Variants in DSCAM observed in about 807,000 individuals in gnomAD.
The protein encoded by DSCAM is DS cell adhesion molecule.
A neutral mutation model predicts 217.7 loss-of-function variants in DSCAM; 47 were observed. That is an observed-to-expected ratio of 0.22 (90% confidence interval 0.17 to 0.28). The LOEUF (loss-of-function observed/expected upper bound fraction) is 0.28. DSCAM is among the 10% of genes least tolerant of loss of function. The pLI is 1.00. For missense variants in DSCAM, 2,080 were observed against 2,618.3 expected (o/e 0.79, Z 4.49); for synonymous variants, 1,056 against 1,015.3 (o/e 1.04, Z -0.76).
rs960778100 is a variant in DSCAM, at chr21:40,800,773, T to A, written c.43+45846A>T. Among the ~76,000 whole-genome samples the A allele has an allele frequency of 2.0e-5, 3 of 149,460 alleles. No individual in the cohort carries two copies. The Admixed American group carries it at 2.0e-4, about 10-fold the overall frequency. ...CTCTGTTGCCTAGGCTGGAGTACAG[T>A]GGCACAATCTCGGCTCACTGCAACC... is the stretch of plus-strand genomic sequence containing the variant. On this transcript the variant is annotated intron_variant, in intron 1 of 32. Transcript: ENST00000400454.
intron 3 of DSCAM, among the ~76,000 whole-genome samples, chr21:40,392,900 A>G (rs550253946): frequency 6.8e-4 from 104 of 152,350 alleles, no homozygotes; most frequent in Non-Finnish European, 1.3e-3. Context: ...AAAAAATTTT[A>G]ACACATTCAA....
At chr21:40,406,467 A>C (rs1049096631) in intron 3 of DSCAM, among the ~76,000 whole-genome samples, 5 of 152,264 alleles carry the variant, frequency 3.3e-5, no homozygotes, top group African/African-American at 4.8e-5. Context: ...CAGCCTTAAA[A>C]AAGCAATGAA....
intron 32 of DSCAM, among the ~76,000 whole-genome samples, chr21:40,025,289 A>G (rs28799008): frequency 0.034 from 4,378 of 130,206 alleles, 463 homozygotes; most frequent in East Asian, 0.33. Flanking sequence ...TTTATTGAGG[A>G]TTTTTGCATC....
chr21:40,342,646 A>T (rs59660005), intron 6 of DSCAM, among the ~76,000 whole-genome samples: 7,560 of 83,272 alleles, frequency 0.091, 414 homozygotes, highest in East Asian at 0.22. Flanking sequence ...ATATATATAT[A>T]TATTTTTTTT....
intron 3 of DSCAM, among the ~76,000 whole-genome samples, chr21:40,508,060 G>A (rs780289710): frequency 2.0e-5 from 3 of 152,196 alleles, no homozygotes. Flanking sequence ...CATGGAGAGA[G>A]TATGTTTAAT....
intron 11 of DSCAM, among the ~76,000 whole-genome samples, chr21:40,229,224 C>G (rs2091359327): frequency 6.6e-6 from 1 of 152,230 alleles, no homozygotes; most frequent in African/African-American, 2.4e-5. Flanking sequence ...TTCCATTCAT[C>G]TCCAAAGTTA....
At chr21:40,297,450 T>C (rs750124495) in intron 9 of DSCAM, among the ~76,000 whole-genome samples, 3 of 152,160 alleles carry the variant, frequency 2.0e-5, no homozygotes, top group Non-Finnish European at 4.4e-5. Flanking sequence ...CACCATATAG[T>C]AGATACTTAG....
intron 4 of DSCAM, among the ~76,000 whole-genome samples, chr21:40,359,827 T>A (rs564057903): frequency 5.9e-5 from 9 of 152,288 alleles, no homozygotes; most frequent in African/African-American, 2.2e-4. Context: ...GTAGGAGGAA[T>A]CTTTTGGGTG....
At chr21:40,146,059 A>G (rs1253610896) in intron 16 of DSCAM, among the ~76,000 whole-genome samples, 6 of 152,050 alleles carry the variant, frequency 3.9e-5, no homozygotes, top group Non-Finnish European at 7.4e-5. Context: ...ATGGATCTGG[A>G]TCTCTCAAGC....
At chr21:40,352,928 T>C (rs934223964) in intron 5 of DSCAM, among the ~76,000 whole-genome samples, 1 of 152,206 alleles carries the variant, frequency 6.6e-6, no homozygotes, top group Non-Finnish European at 1.5e-5. Context: ...AAATCCATTA[T>C]ATTTGGAGTA....
intron 14 of DSCAM, among the ~76,000 whole-genome samples, chr21:40,182,651 T>TACCAGAGAAACCGTGGACGGTGGGGGGCC (rs2090829678): frequency 1.0e-5 from 1 of 95,330 alleles, no homozygotes; most frequent in African/African-American, 5.6e-5. Context: ...AGGAGGGGGT[T>TACCAGAGAAACCGTGGACGGTGGGGGGCC]ACCAGAGAAA....
chr21:40,161,463 T>C (rs936424532), intron 16 of DSCAM, among the ~76,000 whole-genome samples: 2 of 152,126 alleles, frequency 1.3e-5, no homozygotes, highest in Admixed American at 1.3e-4. Flanking sequence ...ATGATAAAAG[T>C]AAACAATGGT....
At chr21:40,319,483 A>G (rs73371753) in intron 8 of DSCAM, among the ~76,000 whole-genome samples, 1,745 of 151,952 alleles carry the variant, frequency 0.011, 10 homozygotes, top group Middle Eastern at 0.024. Flanking sequence ...TTATCCATTC[A>G]TCTACCAATG....
At chr21:40,558,863 T>C (rs2076693601) in intron 3 of DSCAM, among the ~76,000 whole-genome samples, 1 of 152,214 alleles carries the variant, frequency 6.6e-6, no homozygotes, top group African/African-American at 2.4e-5. Flanking sequence ...AGGAATGTCC[T>C]TCACTACGTA....
chr21:40,313,144 A>G (rs2074158621), intron 8 of DSCAM, among the ~76,000 whole-genome samples: 1 of 152,000 alleles, frequency 6.6e-6, no homozygotes, highest in South Asian at 2.1e-4. Context: ...AAAGTAAAAT[A>G]AATATTCCAA....
intron 32 of DSCAM, among the ~76,000 whole-genome samples, chr21:40,026,977 G>A (rs2088401385): frequency 6.6e-6 from 1 of 152,312 alleles, no homozygotes; most frequent in African/African-American, 2.4e-5. Context: ...AGTCTTGATG[G>A]TCTCTACATT....
rs1443871197 is a variant in DSCAM, at chr21:40,552,374, G to C, written c.508+140436C>G. Among the ~76,000 whole-genome samples the C allele has an allele frequency of 2.6e-5, 4 of 152,076 alleles. No individual in the cohort carries two copies. In the East Asian group the frequency reaches 7.7e-4, roughly 29 times the overall value. Reference sequence around the variant, plus strand: ...TTCCAATGAATGAGACAGATTCCTTGGGTTCACAGAGGGAGTTAAGAAGAG... The same window carrying C: ...TTCCAATGAATGAGACAGATTCCTTCGGTTCACAGAGGGAGTTAAGAAGAG... On this transcript the variant is annotated intron_variant, in intron 3 of 32. Transcript: ENST00000400454.
chr21:40,775,194 T>C (rs1030582765), intron 1 of DSCAM, among the ~76,000 whole-genome samples: 3 of 152,138 alleles, frequency 2.0e-5, no homozygotes, highest in Non-Finnish European at 4.4e-5. Flanking sequence ...TGAAAATCAC[T>C]ATCAGAAAAT....
chr21:40,619,127 A>T (rs192210103), intron 3 of DSCAM, among the ~76,000 whole-genome samples: 52 of 152,336 alleles, frequency 3.4e-4, no homozygotes, highest in African/African-American at 1.2e-3. Flanking sequence ...ATTTAAAAAA[A>T]GTAGAGTAAA....
Sources: allele counts gnomAD v4.1 joint callset (sites outside exome capture counted in the v4.1 genomes callset), GRCh38; gene constraint gnomAD v4.1.1; transcripts MANE v1.5; gene names NCBI Gene and HGNC (gene_info 2026-07-23, HGNC 2026-07-21).